POU6F2: variants seen among roughly 807,000 people sequenced by gnomAD.
POU6F2 encodes POU domain, class 6, transcription factor 2.
Under a neutral mutation model 71.3 loss-of-function variants are expected in POU6F2, and 31 were observed. The ratio of observed to expected loss-of-function variants is 0.43; its 90% CI spans 0.33 to 0.59. The LOEUF is 0.59. POU6F2 is among the 20% of genes least tolerant of loss of function. The pLI is 0.04. For synonymous variants in POU6F2, 347 were observed against 355.7 expected, an observed-to-expected ratio of 0.98 and a Z score of 0.27; for missense variants, 783 against 856.8, an observed-to-expected ratio of 0.91 and a Z score of 1.07.
intron 1 of POU6F2, among the ~76,000 whole-genome samples, chr7:39,072,616 C>T (rs963817627): frequency 2.6e-5 from 4 of 152,174 alleles, no homozygotes; most frequent in Non-Finnish European, 5.9e-5. Flanking sequence ...CAATTCTTTA[C>T]AAATACGCAG....
intron 5 of POU6F2, among the ~76,000 whole-genome samples, chr7:39,343,044 A>G (rs576195253): frequency 6.6e-6 from 1 of 152,304 alleles, no homozygotes; most frequent in African/African-American, 2.4e-5. Flanking sequence ...TTCTCCATTG[A>G]GACTCAGGAC....
intron 2 of POU6F2, among the ~76,000 whole-genome samples, chr7:39,100,507 C>T (rs1220858756): frequency 2.6e-5 from 4 of 152,154 alleles, no homozygotes; most frequent in Non-Finnish European, 1.5e-5. Context: ...CATATTCATG[C>T]CCTATGCTCA....
In POU6F2 at chr7:39,464,375, C is replaced by T; in HGVS notation, c.1852C>T (p.His618Tyr). 1.2e-6 allele frequency: 2 copies of T among 1,614,032 alleles called. No homozygotes were observed. The highest frequency in any genetic ancestry group is 2.2e-5 in the South Asian group (2 of 91,082). ...GTGGATGGCTGAGGCTGAGGCCCGC[C>T]ATCGAGCAGGTATGCAGAACCTGAC... ...ERWMAEAEAR[H>Y]RAGMQNLTEF... Residue 618 changes from histidine (H) to tyrosine (Y), a missense_variant, in exon 10 of 10, where the codon CAT becomes TAT. By Grantham distance (83) the His-to-Tyr change is moderately conservative. Around this residue, in one of 2 missense-constraint regions of POU6F2, gnomAD observed 211 missense variants for 283.9 expected, o/e 0.74. Transcript: ENST00000518318. The surrounding 1 kb of genome is among the most constrained non-coding windows in gnomAD (Gnocchi z 4.1).
intron 4 of POU6F2, among the ~76,000 whole-genome samples, chr7:39,320,549 A>G (rs1368723048): frequency 2.6e-5 from 4 of 152,222 alleles, no homozygotes; most frequent in Non-Finnish European, 4.4e-5. Flanking sequence ...GGTCTGAACT[A>G]GGACAATAGT....
At chr7:39,407,129 G>T (rs1787451933) in intron 6 of POU6F2, among the ~76,000 whole-genome samples, 1 of 152,014 alleles carries the variant, frequency 6.6e-6, no homozygotes, top group African/African-American at 2.4e-5. Context: ...GAGGGAAACT[G>T]ATCAGTTTCC....
At chr7:38,993,390 T>A (rs1431131378) in intron 1 of POU6F2, among the ~76,000 whole-genome samples, 1 of 152,166 alleles carries the variant, frequency 6.6e-6, no homozygotes, top group African/African-American at 2.4e-5. Flanking sequence ...ATGAGTGTCA[T>A]GCATAACGGT....
At chr7:39,145,243 G>C (rs900508044) in intron 2 of POU6F2, among the ~76,000 whole-genome samples, 1 of 152,102 alleles carries the variant, frequency 6.6e-6, no homozygotes, top group Non-Finnish European at 1.5e-5. Context: ...TAAGTTCATT[G>C]AGAAATCTGC....
intron 2 of POU6F2, among the ~76,000 whole-genome samples, chr7:39,144,700 A>G (rs1455884302): frequency 6.6e-6 from 1 of 152,236 alleles, no homozygotes; most frequent in African/African-American, 2.4e-5. Context: ...CACGGGAATC[A>G]TCAACTATCT....
intron 6 of POU6F2, among the ~76,000 whole-genome samples, chr7:39,428,289 TTTA>T (rs1788019336): frequency 6.6e-6 from 1 of 152,312 alleles, no homozygotes; most frequent in African/African-American, 2.4e-5. Context: ...TCTTAACTCA[TTTA>T]AGGAAAGAGA....
intron 1 of POU6F2, among the ~76,000 whole-genome samples, chr7:39,031,804 C>G (rs1314958651): frequency 6.6e-6 from 1 of 151,894 alleles, no homozygotes; most frequent in Non-Finnish European, 1.5e-5. Context: ...TATCATGAAC[C>G]CGGGAGGTGG....
At chr7:39,349,132 G>GTA (rs1256214224) in intron 5 of POU6F2, among the ~76,000 whole-genome samples, 1 of 152,144 alleles carries the variant, frequency 6.6e-6, no homozygotes, top group East Asian at 1.9e-4. Flanking sequence ...AGAAAACCAA[G>GTA]TATAGAAAGG....
intron 1 of POU6F2, among the ~76,000 whole-genome samples, chr7:39,014,394 T>C (rs1400215529): frequency 6.6e-6 from 1 of 152,218 alleles, no homozygotes; most frequent in South Asian, 2.1e-4. Flanking sequence ...AAAATGAAGG[T>C]GAACATACTG....
chr7:39,300,368 T>A (rs753376677), intron 4 of POU6F2, among the ~76,000 whole-genome samples: 57 of 152,146 alleles, frequency 3.7e-4, no homozygotes, highest in Non-Finnish European at 7.5e-4. Flanking sequence ...AGAGGAGTGA[T>A]AGGGACCTTA....
At chr7:39,386,140 C>G (rs1290901308) in intron 5 of POU6F2, among the ~76,000 whole-genome samples, 1 of 150,190 alleles carries the variant, frequency 6.7e-6, no homozygotes, top group Non-Finnish European at 1.5e-5. Context: ...AAAAAAGAAC[C>G]AACTTAGGCC....
intron 1 of POU6F2, among the ~76,000 whole-genome samples, chr7:39,082,066 T>C (rs1009908440): frequency 2.0e-5 from 3 of 152,228 alleles, no homozygotes; most frequent in African/African-American, 7.2e-5. Context: ...GGTAAAGGCA[T>C]TCAATAAGTG....
Position 39,464,788 on chromosome 7 carries a change from A to C in POU6F2, c.*102A>C. 1 of 1,336,564 alleles carries C rather than the reference A, an allele frequency of 7.5e-7. No homozygotes were observed. Among genetic ancestry groups the C allele is most frequent in the Non-Finnish European group, 9.9e-7 (1 of 1,005,418 alleles). The allele number at this position is 1,336,564 out of a possible 1,614,324, so 82.8% of individuals were successfully genotyped here. A position where few individuals can be genotyped will look rare whatever the true frequency, so the allele number is the denominator to read the frequency against. On this transcript the variant is annotated 3_prime_UTR_variant, in exon 10 of 10. Transcript: ENST00000518318. This position sits in a 1 kb window ranked among gnomAD's most constrained non-coding sequence, Gnocchi z 4.1. ...CAACAAAATTTAATTTAATTTAAAA[A>C]TAGCCCCAGTCGTCATCACCCTTGT... is the stretch of plus-strand genomic sequence containing the variant.
intron 2 of POU6F2, among the ~76,000 whole-genome samples, chr7:39,115,439 C>T (rs1791909113): frequency 6.6e-6 from 1 of 152,162 alleles, no homozygotes. Flanking sequence ...AGGTTGACTT[C>T]TCTCAGGAGT....
chr7:39,335,911 T>C lies in POU6F2; in HGVS notation c.599-3731T>C, dbSNP rs947153282. On this transcript the variant is annotated intron_variant, in intron 4 of 9. Transcript: ENST00000518318. Reference sequence around the variant, plus strand: ...TCCTGTGCCTTTCCAGTAGGCACAATGTGTTTCTCCCTGTGCCGGCATCCT... The same window carrying C: ...TCCTGTGCCTTTCCAGTAGGCACAACGTGTTTCTCCCTGTGCCGGCATCCT... 4.6e-5 allele frequency among the ~76,000 whole-genome samples: 7 copies of C among 152,268 alleles called. 1 individual carries two copies. The highest frequency in any genetic ancestry group is 1.9e-4 in the East Asian group (1 of 5,166).
intron 7 of POU6F2, among the ~76,000 whole-genome samples, chr7:39,446,526 C>T (rs1057414532): frequency 1.3e-5 from 2 of 152,056 alleles, no homozygotes; most frequent in African/African-American, 2.4e-5. Flanking sequence ...AACGATATAC[C>T]GCATAACACA....
Sources: gnomAD v4.1 joint callset for allele counts (sites outside exome capture counted in the v4.1 genomes callset) on GRCh38, gnomAD v4.1.1 for gene constraint, gnomAD v4.1.1 regional missense constraint, Gnocchi (gnomAD v3.1) non-coding constraint, MANE v1.5 for transcripts, NCBI Gene and HGNC (gene_info 2026-07-23, HGNC 2026-07-21) for gene names.